The following LRRC72 variants were observed in gnomAD, a reference collection of about 807,000 sequenced individuals.
LRRC72 encodes leucine-rich repeat-containing protein 72.
A neutral mutation model predicts 35.8 loss-of-function variants in LRRC72; 41 were observed. That is an observed-to-expected ratio of 1.15 (90% confidence interval 0.89 to 1.49). The LOEUF (loss-of-function observed/expected upper bound fraction) is 1.49, where lower values mean the gene tolerates loss of function less well. Among genes scored for constraint, LRRC72 ranks in the 40% most tolerant of loss-of-function variants. LRRC72 has a pLI of 0.00. For missense variants in LRRC72, 389 were observed against 330.7 expected, an observed-to-expected ratio of 1.18 and a Z score of -1.37; for synonymous variants, 118 against 119.2, an observed-to-expected ratio of 0.99 and a Z score of 0.07.
chr7:16,557,148 A>G (rs562124943), intron 3 of LRRC72, among the ~76,000 whole-genome samples: 1 of 152,340 alleles, frequency 6.6e-6, no homozygotes, highest in Admixed American at 6.5e-5. Context: ...TAAGTTAGAT[A>G]AAAATATTCT....
rs992137812 is a variant in LRRC72 at position 16,537,611 on chromosome 7, T to A, written c.165-16T>A. 4 of 1,476,836 alleles carry A rather than the reference T, an allele frequency of 2.7e-6. No individual in the cohort carries two copies. The African/African-American group carries it at 4.3e-5, about 16-fold the overall frequency. The allele number at this position is 1,476,836 out of a possible 1,614,324, so 91.5% of individuals were successfully genotyped here. On this transcript the variant is annotated splice_polypyrimidine_tract_variant and intron_variant, in intron 2 of 8. Coordinates refer to ENST00000401542, the MANE Select transcript of LRRC72 (RefSeq NM_001195280.2). ...ACTAATTGTTGCTAATGTTCACATT[T>A]TTTTTTTCTTTCCAGGGAACTGACA...
At chr7:16,563,110 G>C (rs1489644290) in intron 5 of LRRC72, among the ~76,000 whole-genome samples, 1 of 152,038 alleles carries the variant, frequency 6.6e-6, no homozygotes, top group Non-Finnish European at 1.5e-5. Flanking sequence ...ACTTCTCCAT[G>C]TCATTTTCTT....
intron 7 of LRRC72, among the ~76,000 whole-genome samples, chr7:16,578,996 A>G (rs1783094091): frequency 6.6e-6 from 1 of 152,234 alleles, no homozygotes; most frequent in South Asian, 2.1e-4. Context: ...GTCAAAAGGT[A>G]CAAAGTTTAA....
At chr7:16,575,727 G>C (rs1270975615) in intron 7 of LRRC72, among the ~76,000 whole-genome samples, 1 of 152,164 alleles carries the variant, frequency 6.6e-6, no homozygotes, top group South Asian at 2.1e-4. Flanking sequence ...CTTCATGTGA[G>C]AGGTGATGGC....
At chr7:16,549,484 T>C (rs7807167) in intron 3 of LRRC72, among the ~76,000 whole-genome samples, 46,982 of 152,016 alleles carry the variant, frequency 0.31, 7,292 homozygotes, top group East Asian at 0.38. Context: ...AGCAGTGGCT[T>C]GTACTGCTGG....
At position 16,529,455 on chromosome 7, in the gene LRRC72, TA is replaced by T. The variant is rs142883647; in HGVS notation, c.90+2415del. ...CAGATACTGTTTTTTGGGGTTTTTT[TA>T]ATGTTACTATCGTAATTGCTTAAGG... On this transcript the variant is annotated intron_variant, in intron 1 of 8. Coordinates refer to ENST00000401542, the MANE Select transcript of LRRC72 (RefSeq NM_001195280.2). Among the ~76,000 whole-genome samples the T allele has an allele frequency of 1.4e-3, 216 of 152,294 alleles. 1 individual carries two copies. The highest frequency in any genetic ancestry group is 5.0e-3 in the African/African-American group (208 of 41,572).
chr7:16,544,232 T>C (rs78253388), intron 3 of LRRC72, among the ~76,000 whole-genome samples: 1 of 152,124 alleles, frequency 6.6e-6, no homozygotes, highest in African/African-American at 2.4e-5. Context: ...CAAATCATTA[T>C]CTAGTGGGTG....
At chr7:16,564,396 G>A (rs1327022957) in intron 5 of LRRC72, among the ~76,000 whole-genome samples, 1 of 151,602 alleles carries the variant, frequency 6.6e-6, no homozygotes, top group Non-Finnish European at 1.5e-5. Context: ...TTTATTAGTG[G>A]TTTAATATAC....
chr7:16,574,954 A>G (rs568587575), intron 7 of LRRC72, among the ~76,000 whole-genome samples: 2 of 152,208 alleles, frequency 1.3e-5, no homozygotes, highest in East Asian at 1.9e-4. Flanking sequence ...CGTCTCTACT[A>G]AAAACACAAA....
intron 7 of LRRC72, among the ~76,000 whole-genome samples, chr7:16,571,429 G>C (rs768539443): frequency 3.4e-5 from 4 of 116,586 alleles, no homozygotes; most frequent in Non-Finnish European, 7.6e-5. Context: ...AACAGCTCCA[G>C]TCTGCAACTC....
At chr7:16,574,522 A>C (rs1783003917) in intron 7 of LRRC72, among the ~76,000 whole-genome samples, 1 of 152,168 alleles carries the variant, frequency 6.6e-6, no homozygotes, top group Non-Finnish European at 1.5e-5. Flanking sequence ...GCTGGAAACC[A>C]TCATTCTGAG....
intron 3 of LRRC72, among the ~76,000 whole-genome samples, chr7:16,555,603 T>A (rs963135529): frequency 6.6e-6 from 1 of 152,020 alleles, no homozygotes; most frequent in African/African-American, 2.4e-5. Context: ...TGAAACCCCA[T>A]CTCTACTAAA....
chr7:16,572,389 G>A (rs1398291431), intron 7 of LRRC72, among the ~76,000 whole-genome samples: 2 of 152,102 alleles, frequency 1.3e-5, no homozygotes, highest in Non-Finnish European at 2.9e-5. Context: ...ACGAACATCA[G>A]TGCAAAAATC....
chr7:16,554,829 T>G (rs17169541), intron 3 of LRRC72, among the ~76,000 whole-genome samples: 1 of 152,138 alleles, frequency 6.6e-6, no homozygotes, highest in Non-Finnish European at 1.5e-5. Flanking sequence ...GGTTTGTTAG[T>G]GTTCTTCTTG....
chr7:16,528,474 C>A (rs1782110703), intron 1 of LRRC72, among the ~76,000 whole-genome samples: 1 of 152,060 alleles, frequency 6.6e-6, no homozygotes, highest in Non-Finnish European at 1.5e-5. Flanking sequence ...CAAGTCATCA[C>A]ATCATCATCA....
At chr7:16,542,207 A>T (rs1231596628) in intron 3 of LRRC72, among the ~76,000 whole-genome samples, 1 of 152,152 alleles carries the variant, frequency 6.6e-6, no homozygotes, top group Admixed American at 6.5e-5. Context: ...CTACTCATTG[A>T]ATATTCACAA....
intron 3 of LRRC72, among the ~76,000 whole-genome samples, chr7:16,541,695 C>A (rs1782360072): frequency 2.6e-5 from 4 of 152,196 alleles, no homozygotes; most frequent in Admixed American, 2.0e-4. Flanking sequence ...GAATGGATCA[C>A]AATGTCAGCA....
At chr7:16,559,170 G>C (rs534662308) in intron 5 of LRRC72, among the ~76,000 whole-genome samples, 171 bp downstream of exon 5, 109 of 152,226 alleles carry the variant, frequency 7.2e-4, no homozygotes, top group Non-Finnish European at 1.4e-3. Flanking sequence ...GAGGTGGGCG[G>C]ATCACTTGAG....
At chr7:16,571,445 G>T (rs746900525) in intron 7 of LRRC72, among the ~76,000 whole-genome samples, 8 of 152,206 alleles carry the variant, frequency 5.3e-5, no homozygotes, top group Non-Finnish European at 1.2e-4. Context: ...AACTCTGAGC[G>T]AGATCCACAC....
Sources: allele counts gnomAD v4.1 joint callset (sites outside exome capture counted in the v4.1 genomes callset), GRCh38; gene constraint gnomAD v4.1.1; transcripts MANE v1.5; gene names NCBI Gene and HGNC (gene_info 2026-07-23, HGNC 2026-07-21).